The following CHLSN variants were observed in gnomAD, a reference collection of about 807,000 sequenced individuals.
CHLSN encodes cholesin, also known as protein cholesin.
the CHLSN span, chr7:1,127,251 C>T: frequency 1.9e-6 from 3 of 1,593,560 alleles, no homozygotes; most frequent in Non-Finnish European, 1.7e-6. Context: ...GCACAGGCGG[C>T]CTTACCTTGG....
At chr7:1,095,425 A>T in the CHLSN span, among the ~76,000 whole-genome samples, 1 of 152,092 alleles carries the variant, frequency 6.6e-6, no homozygotes, top group Non-Finnish European at 1.5e-5. Flanking sequence ...AGTGTTGCTG[A>T]TGGGGAAAAA....
the CHLSN span, among the ~76,000 whole-genome samples, chr7:1,134,861 A>G: frequency 6.6e-6 from 1 of 152,166 alleles, no homozygotes; most frequent in Middle Eastern, 3.4e-3. Context: ...TGGGCTACAG[A>G]GTGAGACTCC....
At chr7:1,082,014 C>T in the CHLSN span, 1 of 152,262 alleles carries the variant, frequency 6.6e-6, no homozygotes, top group African/African-American at 2.4e-5. Context: ...ACGGCGACAT[C>T]CACAAACGCC....
the CHLSN span, among the ~76,000 whole-genome samples, chr7:1,036,442 C>A: frequency 1.6e-5 from 2 of 126,352 alleles, no homozygotes; most frequent in Admixed American, 1.6e-4. Context: ...GTGTAGGGTT[C>A]GGGTGCTCGT....
the CHLSN span, among the ~76,000 whole-genome samples, chr7:1,103,662 C>T: frequency 5.3e-5 from 8 of 152,342 alleles, no homozygotes; most frequent in South Asian, 2.1e-4. Context: ...ATTCAGACCA[C>T]GCTTTCATTA....
chr7:1,076,464 G>C, the CHLSN span, among the ~76,000 whole-genome samples: 2 of 152,230 alleles, frequency 1.3e-5, no homozygotes, highest in Non-Finnish European at 2.9e-5. Flanking sequence ...CTGTGGCACC[G>C]GTGGTTTCCC....
At chr7:1,069,517 G>A in the CHLSN span, among the ~76,000 whole-genome samples, 6 of 142,796 alleles carry the variant, frequency 4.2e-5, no homozygotes, top group African/African-American at 1.6e-4. Context: ...GCGCCGCCAC[G>A]CCTGACTGGT....
chr7:995,882 G>T, the CHLSN span, among the ~76,000 whole-genome samples: 1 of 152,250 alleles, frequency 6.6e-6, no homozygotes, highest in South Asian at 2.1e-4. Context: ...TGGGGGACGG[G>T]GCTGGATGCT....
the CHLSN span, chr7:1,127,429 G>C: frequency 1.9e-6 from 3 of 1,553,860 alleles, no homozygotes; most frequent in Middle Eastern, 1.8e-4. Flanking sequence ...GGAAATGAAA[G>C]GCTTAACTCA....
chr7:986,987 G>C, the CHLSN span: 1 of 1,381,706 alleles, frequency 7.2e-7, no homozygotes, highest in African/African-American at 1.5e-5. Flanking sequence ...CGGGGACGCT[G>C]AGGGATGGCT....
chr7:1,119,087 T>C, the CHLSN span, among the ~76,000 whole-genome samples: 1 of 151,840 alleles, frequency 6.6e-6, no homozygotes, highest in Non-Finnish European at 1.5e-5. Context: ...ACCCCGTCTC[T>C]ACTAAAAATA....
At chr7:1,132,944 A>G in the CHLSN span, among the ~76,000 whole-genome samples, 1 of 152,166 alleles carries the variant, frequency 6.6e-6, no homozygotes, top group African/African-American at 2.4e-5. Context: ...ATGCCAATCA[A>G]AGAGAAACGA....
chr7:1,009,945 C>T, the CHLSN span: 1 of 1,543,318 alleles, frequency 6.5e-7, no homozygotes. Context: ...GGCAGGGCCG[C>T]TCACCTGCAG....
chr7:1,129,684 T>C, the CHLSN span, among the ~76,000 whole-genome samples: 5 of 152,148 alleles, frequency 3.3e-5, no homozygotes, highest in African/African-American at 1.2e-4. Context: ...GTTCCAGCCA[T>C]CCTCCGCCTC....
At chr7:1,079,250 G>A in the CHLSN span, among the ~76,000 whole-genome samples, 1 of 152,354 alleles carries the variant, frequency 6.6e-6, no homozygotes, top group East Asian at 1.9e-4. Flanking sequence ...CTGCGGAGGG[G>A]CGGCCACAGA....
chr7:987,370 C>T, the CHLSN span: 56 of 1,591,596 alleles, frequency 3.5e-5, no homozygotes, highest in African/African-American at 9.4e-5. Context: ...GGAGCTAGAC[C>T]GCGTGCTGGG....
At chr7:1,110,421 C>T in the CHLSN span, among the ~76,000 whole-genome samples, 1 of 152,240 alleles carries the variant, frequency 6.6e-6, no homozygotes, top group South Asian at 2.1e-4. Flanking sequence ...CGGCACCTCC[C>T]GGGCCAAGGT....
At chr7:1,055,010 T>A in the CHLSN span, among the ~76,000 whole-genome samples, 1 of 151,992 alleles carries the variant, frequency 6.6e-6, no homozygotes, top group Admixed American at 6.5e-5. Context: ...GGCGGCTGCA[T>A]GGACCTGGAC....
At chr7:1,136,243 A>C in the CHLSN span, among the ~76,000 whole-genome samples, 1 of 118,086 alleles carries the variant, frequency 8.5e-6, no homozygotes, top group African/African-American at 3.5e-5. Context: ...TATAAAATAT[A>C]TATAAATATA....
Sources: gnomAD v4.1 joint callset for allele counts (sites outside exome capture counted in the v4.1 genomes callset) on GRCh38, gnomAD v4.1.1 for gene constraint, MANE v1.5 for transcripts, NCBI Gene and HGNC (gene_info 2026-07-23, HGNC 2026-07-21) for gene names.